The following HSDL2 variants were observed in gnomAD, a reference collection of about 807,000 sequenced individuals.
HSDL2 encodes the protein hydroxysteroid dehydrogenase like 2.
HSDL2 carries 27 observed loss-of-function variants against 46.3 expected under a neutral mutation model. That is an observed-to-expected ratio of 0.58 (90% confidence interval 0.43 to 0.80). The LOEUF is 0.80. HSDL2 is among the 30% of genes least tolerant of loss of function. The pLI is 0.00. For synonymous variants in HSDL2, 153 were observed against 163.6 expected (o/e 0.94, Z 0.50); for missense variants, 451 against 502.7 (o/e 0.90, Z 0.98).
At chr9:112,467,493 G>C (rs758929292) in intron 10 of HSDL2, among the ~76,000 whole-genome samples, 6 of 152,088 alleles carry the variant, frequency 3.9e-5, no homozygotes, top group Non-Finnish European at 5.9e-5. Context: ...CGTGTTGCGT[G>C]GTGGTACACA....
intron 1 of HSDL2, among the ~76,000 whole-genome samples, chr9:112,393,131 A>G (rs563346033): frequency 5.3e-5 from 8 of 152,326 alleles, no homozygotes; most frequent in Non-Finnish European, 8.8e-5. Context: ...AATTTACTAC[A>G]GTGGAGCCCC....
chr9:112,461,906 G>A (rs1172369295), intron 10 of HSDL2, among the ~76,000 whole-genome samples: 1 of 152,166 alleles, frequency 6.6e-6, no homozygotes, highest in Non-Finnish European at 1.5e-5. Flanking sequence ...TTCTTTGAAT[G>A]TGGTCTTGGA....
At chr9:112,450,485 C>T (rs4979119) in intron 8 of HSDL2, among the ~76,000 whole-genome samples, 144,951 of 151,696 alleles carry the variant, frequency 0.96, 69,313 homozygotes, top group African/African-American at 0.98. Flanking sequence ...CAAAATTAGT[C>T]GGGTGCAGTG....
intron 6 of HSDL2, among the ~76,000 whole-genome samples, chr9:112,426,741 A>G (rs901745803): frequency 6.6e-6 from 1 of 152,190 alleles, no homozygotes; most frequent in Non-Finnish European, 1.5e-5. Context: ...AAGTTTCTGT[A>G]TTGCACATAT....
intron 7 of HSDL2, 22 bp downstream of exon 7, chr9:112,438,647 A>G (rs745437766): frequency 2.2e-6 from 3 of 1,384,650 alleles, no homozygotes; most frequent in Non-Finnish European, 3.0e-6. Flanking sequence ...ATAGTTTTTA[A>G]AAGTAGTGAT....
intron 8 of HSDL2, among the ~76,000 whole-genome samples, chr9:112,449,914 C>CT (rs1587961943): frequency 6.6e-6 from 1 of 151,936 alleles, no homozygotes; most frequent in African/African-American, 2.4e-5. Flanking sequence ...TGATTCCTTA[C>CT]TTTTTTTACT....
In HSDL2 at chr9:112,409,033, A is replaced by G. The variant is rs1457316977; in HGVS notation, c.395+12A>G. ...GGCACCTACCTTGCGTAAGTTTGCA[A>G]GAAGAGTTGTTGGGGAGGAAGTTGC... On this transcript the variant is annotated intron_variant, in intron 4 of 10. Coordinates refer to ENST00000398805, the MANE Select transcript of HSDL2 (RefSeq NM_032303.5). The G allele has an allele frequency of 6.8e-7, 1 of 1,467,338 alleles. No individual in the cohort carries two copies. Among genetic ancestry groups the G allele is most frequent in the Non-Finnish European group, 9.5e-7 (1 of 1,053,480 alleles). The allele number at this position is 1,467,338 out of a possible 1,614,324, so 90.9% of individuals were successfully genotyped here.
intron 1 of HSDL2, among the ~76,000 whole-genome samples, chr9:112,394,244 A>G (rs575939058): frequency 8.3e-5 from 12 of 145,064 alleles, no homozygotes; most frequent in African/African-American, 2.7e-4. Flanking sequence ...GCAATAGCCA[A>G]TTTCCAAAGT....
chr9:112,456,087 G>A (rs1301204011), intron 9 of HSDL2, among the ~76,000 whole-genome samples: 5 of 152,122 alleles, frequency 3.3e-5, no homozygotes, highest in Admixed American at 6.5e-5. Context: ...ATTTTCCCTG[G>A]CCTTCTCAGG....
intron 6 of HSDL2, 115 bp downstream of exon 6, chr9:112,419,073 A>G (rs919193697): frequency 3.6e-5 from 18 of 498,600 alleles, no homozygotes; most frequent in African/African-American, 2.8e-4. Flanking sequence ...CAGTGGTGTG[A>G]TCTTGGCTCA....
rs149154437 is a variant in HSDL2 at position 112,436,291 on chromosome 9, G to A, written c.599-2140G>A. Among the ~76,000 whole-genome samples the A allele has an allele frequency of 7.6e-3, 1,113 of 147,404 alleles. 18 individuals carry two copies. Among genetic ancestry groups the A allele is most frequent in the African/African-American group, 0.026 (1,032 of 40,126 alleles). On this transcript the variant is annotated intron_variant, in intron 6 of 10. Coordinates refer to ENST00000398805, the MANE Select transcript of HSDL2 (RefSeq NM_032303.5). ...AATTATTCCTAGTAAATGATTTTTA[G>A]TTATGAAGTAGAAAAGTGTCTTCTA...
At chr9:112,383,142 C>T (rs868132514) in intron 1 of HSDL2, among the ~76,000 whole-genome samples, 2 of 151,950 alleles carry the variant, frequency 1.3e-5, no homozygotes, top group South Asian at 4.1e-4. Flanking sequence ...GGTGCGATCT[C>T]GTTTCACTGC....
At chr9:112,409,272 C>A (rs1375870382) in intron 4 of HSDL2, among the ~76,000 whole-genome samples, 2 of 152,112 alleles carry the variant, frequency 1.3e-5, no homozygotes, top group Admixed American at 6.6e-5. Context: ...TCACTGCAAC[C>A]TTTGCCTCCT....
At chr9:112,458,360 T>C (rs1208002457) in intron 9 of HSDL2, among the ~76,000 whole-genome samples, 1 of 151,426 alleles carries the variant, frequency 6.6e-6, no homozygotes, top group Non-Finnish European at 1.5e-5. Flanking sequence ...GTTTTGCTCT[T>C]GTTGCCCCAA....
intron 1 of HSDL2, among the ~76,000 whole-genome samples, chr9:112,401,149 T>G (rs1368073019): frequency 6.6e-6 from 1 of 152,190 alleles, no homozygotes; most frequent in South Asian, 2.1e-4. Flanking sequence ...AGATGTCTCC[T>G]TCTTACTTAG....
At chr9:112,427,589 A>G (rs1440522243) in intron 6 of HSDL2, among the ~76,000 whole-genome samples, 1 of 152,174 alleles carries the variant, frequency 6.6e-6, no homozygotes, top group African/African-American at 2.4e-5. Flanking sequence ...TGTTCCATAC[A>G]TTGCATTTGT....
At chr9:112,391,304 C>A (rs58312682) in intron 1 of HSDL2, among the ~76,000 whole-genome samples, 21,227 of 149,794 alleles carry the variant, frequency 0.14, 1,842 homozygotes, top group East Asian at 0.22. Context: ...TGTCCCCCCC[C>A]AAAAAATAAA....
rs948849923 is a variant in HSDL2, at chr9:112,453,480, C to T, written c.866-533C>T. On this transcript the variant is annotated intron_variant, in intron 8 of 10. Transcript: ENST00000398805. ...TGATCTCGGCTCACTGCAGCCTCTA[C>T]CTCCCAGGCTCAAGTGATCCTCTCA... 9.9e-5 allele frequency among the ~76,000 whole-genome samples: 15 copies of T among 152,176 alleles called. 1 individual carries two copies. Among genetic ancestry groups the T allele is most frequent in the Admixed American group, 6.5e-4 (10 of 15,278 alleles).
At chr9:112,447,847 C>G (rs1999265) in intron 8 of HSDL2, among the ~76,000 whole-genome samples, 145,878 of 152,312 alleles carry the variant, frequency 0.96, 69,934 homozygotes, top group African/African-American at 0.99. Flanking sequence ...CTGGAACAAG[C>G]CAAGTTAAAA....
Sources: gnomAD v4.1 joint callset for allele counts (sites outside exome capture counted in the v4.1 genomes callset) on GRCh38, gnomAD v4.1.1 for gene constraint, MANE v1.5 for transcripts, NCBI Gene and HGNC (gene_info 2026-07-23, HGNC 2026-07-21) for gene names.